MTRF1: variants seen among roughly 807,000 people sequenced by gnomAD.
MTRF1 encodes peptide chain release factor 1, mitochondrial.
In MTRF1, 51 loss-of-function variants were observed where a neutral mutation model predicts 62.9. The observed-to-expected ratio is 0.81, with a 90% confidence interval of 0.65 to 1.02. MTRF1 has a LOEUF of 1.02. MTRF1 is among the 50% of genes least tolerant of loss of function. MTRF1 has a pLI of 0.00. For missense variants in MTRF1, 446 were observed against 530.0 expected, an observed-to-expected ratio of 0.84 and a Z score of 1.56; for synonymous variants, 158 against 181.9, an observed-to-expected ratio of 0.87 and a Z score of 1.06.
the MTRF1 span, among the ~76,000 whole-genome samples, chr13:41,273,667 G>A: frequency 2.9e-4 from 44 of 152,042 alleles, 1 homozygote; most frequent in Non-Finnish European, 4.3e-4. Flanking sequence ...GAGAAACCCC[G>A]TCTCTACTAA....
At chr13:41,283,532 G>T in the MTRF1 span, among the ~76,000 whole-genome samples, 2 of 143,366 alleles carry the variant, frequency 1.4e-5, no homozygotes, top group Non-Finnish European at 3.0e-5. Flanking sequence ...TAGAGAATTT[G>T]TTCATACCAG....
intron 5 of MTRF1, among the ~76,000 whole-genome samples, chr13:41,246,428 G>T (rs914614950): frequency 1.3e-5 from 2 of 151,976 alleles, no homozygotes; most frequent in African/African-American, 4.8e-5. Context: ...TAACCATTTG[G>T]TTTCTAAAGT....
intron 5 of MTRF1, among the ~76,000 whole-genome samples, chr13:41,251,898 T>C (rs181228337): frequency 1.3e-5 from 2 of 152,340 alleles, no homozygotes; most frequent in African/African-American, 4.8e-5. Flanking sequence ...TTTTTTTTTT[T>C]TGAGACAGTC....
At chr13:41,258,581 A>C (rs1234129074) in intron 2 of MTRF1, among the ~76,000 whole-genome samples, 1 of 151,184 alleles carries the variant, frequency 6.6e-6, no homozygotes, top group African/African-American at 2.4e-5. Context: ...AAAACAAAAA[A>C]AAAAAACATA....
At chr13:41,243,500 C>G (rs777646779) in intron 5 of MTRF1, among the ~76,000 whole-genome samples, 1 of 151,440 alleles carries the variant, frequency 6.6e-6, no homozygotes, top group Non-Finnish European at 1.5e-5. Flanking sequence ...ATCTGGTCTT[C>G]TTAGTTGTTG....
chr13:41,227,711 C>A (rs1307666762), intron 7 of MTRF1, among the ~76,000 whole-genome samples: 1 of 152,238 alleles, frequency 6.6e-6, no homozygotes, highest in East Asian at 1.9e-4. Context: ...AGCCTATCTG[C>A]ACCGATACAG....
intron 5 of MTRF1, among the ~76,000 whole-genome samples, chr13:41,242,920 C>CA (rs1415626561): frequency 7.2e-5 from 11 of 152,058 alleles, no homozygotes; most frequent in South Asian, 2.1e-4. Flanking sequence ...TCCATCTCTA[C>CA]AAAAAATACA....
intron 6 of MTRF1, among the ~76,000 whole-genome samples, chr13:41,237,358 A>G (rs1420506260): frequency 2.0e-5 from 3 of 152,032 alleles, no homozygotes; most frequent in Admixed American, 6.6e-5. Flanking sequence ...TAAAAATATA[A>G]TTAAGTAAAA....
chr13:41,261,046 A>G, intron 1 of MTRF1, 131 bp from the exon 2 acceptor site: 1 of 915,070 alleles, frequency 1.1e-6, no homozygotes, highest in Non-Finnish European at 1.6e-6. Flanking sequence ...TTAAAATTCA[A>G]CTGCCGGCTG....
chr13:41,310,683 C>T, the MTRF1 span, among the ~76,000 whole-genome samples: 1 of 152,090 alleles, frequency 6.6e-6, no homozygotes, highest in African/African-American at 2.4e-5. Flanking sequence ...AACCAACCAA[C>T]CAAACAAAAA....
rs112214904 is a variant in MTRF1, at chr13:41,239,708, T to G, written c.870+553A>C. Among the ~76,000 whole-genome samples the G allele has an allele frequency of 4.5e-3, 683 of 152,330 alleles. 7 individuals are homozygous for G. The highest frequency in any genetic ancestry group is 0.015 in the African/African-American group (607 of 41,568). The stretch of plus-strand genomic sequence containing the variant: ...TTCATTTTCTTTCTTAAGATAAAAT[T>G]TAGGCAGCAACATTAAATGAACTTT... On this transcript the variant is annotated intron_variant, in intron 6 of 9. Transcript: ENST00000379480.
chr13:41,257,291 A>G (rs2039857331), intron 2 of MTRF1, among the ~76,000 whole-genome samples: 1 of 152,238 alleles, frequency 6.6e-6, no homozygotes, highest in Admixed American at 6.5e-5. Flanking sequence ...AACATGAATA[A>G]GATTGTACTT....
intron 5 of MTRF1, among the ~76,000 whole-genome samples, chr13:41,247,286 AG>A (rs2139036434): frequency 6.6e-6 from 1 of 152,288 alleles, no homozygotes; most frequent in Admixed American, 6.5e-5. Flanking sequence ...AGGGCTAGAG[AG>A]CTGATATACC....
At position 41,216,495 on chromosome 13, in the gene MTRF1, A is replaced by G. The variant is rs2031959323; in HGVS notation, c.*620T>C. 6.6e-6 allele frequency: 1 copy of G among 152,160 alleles called. No homozygotes were observed. Among genetic ancestry groups the G allele is most frequent in the Non-Finnish European group, 1.5e-5 (1 of 68,034 alleles). 9.4% of individuals were successfully genotyped at this position (152,160 alleles called of 1,614,324 possible). A position where few individuals can be genotyped will look rare whatever the true frequency, so the allele number is the denominator to read the frequency against. ...TCATATTCTTCATAATTTTTATTTA[A>G]AAGTTGCAGTCTAAGTCTTAACTTT... On this transcript the variant is annotated 3_prime_UTR_variant, in exon 10 of 10. Coordinates refer to ENST00000379480, the MANE Select transcript of MTRF1 (RefSeq NM_004294.4).
At chr13:41,289,439 T>A in the MTRF1 span, among the ~76,000 whole-genome samples, 1 of 152,102 alleles carries the variant, frequency 6.6e-6, no homozygotes, top group East Asian at 1.9e-4. Context: ...GGTTTTGCCA[T>A]ATTGGCCAGG....
intron 2 of MTRF1, among the ~76,000 whole-genome samples, chr13:41,256,725 G>GT (rs1236815361): frequency 2.6e-5 from 4 of 152,138 alleles, no homozygotes; most frequent in Non-Finnish European, 5.9e-5. Context: ...TGATTCAAAG[G>GT]TATCAGAAAA....
At chr13:41,263,382 A>G in intron 1 of MTRF1, 103 bp downstream of exon 1, 1 of 1,019,712 alleles carries the variant, frequency 9.8e-7, no homozygotes. Context: ...CCCGCGGGGC[A>G]GCAGCACGGG....
chr13:41,247,814 A>G (rs2038474531), intron 5 of MTRF1, among the ~76,000 whole-genome samples: 1 of 152,084 alleles, frequency 6.6e-6, no homozygotes, highest in South Asian at 2.1e-4. Context: ...GAACTGGGGA[A>G]AAAACCACAA....
the MTRF1 span, among the ~76,000 whole-genome samples, chr13:41,276,511 T>C: frequency 6.6e-6 from 1 of 152,194 alleles, no homozygotes; most frequent in Admixed American, 6.5e-5. Flanking sequence ...TGCCAAGCAC[T>C]CTGCTAAGTG....
Sources: gnomAD v4.1 joint callset for allele counts (sites outside exome capture counted in the v4.1 genomes callset) on GRCh38, gnomAD v4.1.1 for gene constraint, MANE v1.5 for transcripts, NCBI Gene and HGNC (gene_info 2026-07-23, HGNC 2026-07-21) for gene names.